SGIP1: variants seen among roughly 807,000 people sequenced by gnomAD.
SGIP1 encodes the protein SH3-containing GRB2-like protein 3-interacting protein 1.
A neutral mutation model predicts 107.5 loss-of-function variants in SGIP1; 38 were observed. The observed-to-expected ratio is 0.35, with a 90% CI of 0.27 to 0.46. The LOEUF is 0.46. Ranked by LOEUF, SGIP1 falls within the 20% of genes least tolerant of loss-of-function variation. SGIP1 has a pLI of 1.00. For synonymous variants in SGIP1, 365 were observed against 366.1 expected (o/e 1.00, Z 0.03); for missense variants, 929 against 1,019.5 (o/e 0.91, Z 1.21).
intron 21 of SGIP1, among the ~76,000 whole-genome samples, chr1:66,736,118 C>T (rs1053170561): frequency 4.8e-5 from 7 of 146,680 alleles, no homozygotes; most frequent in African/African-American, 1.7e-4. Flanking sequence ...ACATATACAA[C>T]CTAGATACAT....
At chr1:66,601,348 CAGAG>C (rs2065782244) in intron 1 of SGIP1, among the ~76,000 whole-genome samples, 2 of 152,076 alleles carry the variant, frequency 1.3e-5, no homozygotes, top group Non-Finnish European at 1.5e-5. Context: ...CTGGGCGACA[CAGAG>C]AGACTCCGTC....
At chr1:66,661,225 C>T (rs1339384683) in intron 8 of SGIP1, among the ~76,000 whole-genome samples, 1 of 152,196 alleles carries the variant, frequency 6.6e-6, no homozygotes, top group Non-Finnish European at 1.5e-5. Flanking sequence ...TTGTTGGGAA[C>T]ATGTTCTCAG....
chr1:66,650,758 T>C (rs17129254), intron 7 of SGIP1, among the ~76,000 whole-genome samples: 2,329 of 152,300 alleles, frequency 0.015, 66 homozygotes, highest in African/African-American at 0.053. Flanking sequence ...GTTTAATCTT[T>C]GATGTGATCT....
At chr1:66,696,206 A>G (rs1236330598) in intron 18 of SGIP1, among the ~76,000 whole-genome samples, 1 of 152,194 alleles carries the variant, frequency 6.6e-6, no homozygotes, top group Non-Finnish European at 1.5e-5. Context: ...CTTCTGTTTT[A>G]TATTTAAGTT....
At chr1:66,543,883 G>A (rs192762208) in intron 1 of SGIP1, among the ~76,000 whole-genome samples, 4 of 152,310 alleles carry the variant, frequency 2.6e-5, no homozygotes, top group Admixed American at 1.3e-4. Flanking sequence ...GTGTGGTGCA[G>A]ATGCCAGTTT....
chr1:66,535,656 G>A (rs974771511), intron 1 of SGIP1, among the ~76,000 whole-genome samples: 3 of 152,142 alleles, frequency 2.0e-5, no homozygotes, highest in African/African-American at 7.2e-5. Context: ...TTTTGTTATG[G>A]AGCTGAGTCT....
At chr1:66,571,354 G>T (rs2060350365) in intron 1 of SGIP1, among the ~76,000 whole-genome samples, 1 of 151,806 alleles carries the variant, frequency 6.6e-6, no homozygotes, top group African/African-American at 2.4e-5. Context: ...CAGTGATTGG[G>T]GTCCCAATTT....
chr1:66,717,681 T>C (rs2150410637), intron 18 of SGIP1, among the ~76,000 whole-genome samples: 1 of 152,150 alleles, frequency 6.6e-6, no homozygotes, highest in East Asian at 1.9e-4. Flanking sequence ...AACTCATACA[T>C]ACCCCAGTGC....
chr1:66,633,973 G>T, intron 3 of SGIP1: 1 of 914,252 alleles, frequency 1.1e-6, no homozygotes, highest in Non-Finnish European at 1.7e-6. Flanking sequence ...AAGGTTCTTA[G>T]CTTTGGGGCG....
intron 1 of SGIP1, among the ~76,000 whole-genome samples, chr1:66,621,746 AG>A (rs1362303174): frequency 1.3e-5 from 2 of 152,216 alleles, no homozygotes; most frequent in Non-Finnish European, 2.9e-5. Flanking sequence ...AGTATTTTCA[AG>A]GTTCATTCAC....
At chr1:66,667,432 G>A (rs1050080371) in intron 8 of SGIP1, 98 bp from the exon 9 acceptor site, 3 of 1,119,040 alleles carry the variant, frequency 2.7e-6, no homozygotes, top group African/African-American at 3.1e-5. Flanking sequence ...TGTATGTTTG[G>A]TTAGCTGCTT....
At chr1:66,588,771 T>C (rs2148846108) in intron 1 of SGIP1, among the ~76,000 whole-genome samples, 1 of 152,064 alleles carries the variant, frequency 6.6e-6, no homozygotes, top group Middle Eastern at 3.4e-3. Context: ...TGGTTTCACA[T>C]TTAGTTTGTG....
intron 14 of SGIP1, among the ~76,000 whole-genome samples, chr1:66,681,480 C>A (rs1290453626): frequency 2.0e-5 from 3 of 152,116 alleles, no homozygotes; most frequent in Non-Finnish European, 1.5e-5. Context: ...TCAGAAGGGA[C>A]CTTGCTTTTG....
rs764080079 is a variant in SGIP1, at chr1:66,742,460, CTTTTTT to C, written c.2465-591_2465-586del. Among the ~76,000 whole-genome samples, 128 of 45,096 alleles carry C rather than the reference CTTTTTT, an allele frequency of 2.8e-3. 1 individual carries two copies. The highest frequency in any genetic ancestry group is 6.1e-3 in the African/African-American group (62 of 10,154). 29.6% of individuals were successfully genotyped at this position (45,096 alleles called of 152,430 possible). A position where few individuals can be genotyped will look rare whatever the true frequency, so the allele number is the denominator to read the frequency against. ...AATATAAGTTATATGAGCACCCTTT[CTTTTTT>C]TTTTTTTTTTTTTTTTTTTTTGAGA... On this transcript the variant is annotated intron_variant, in intron 24 of 24. Coordinates refer to ENST00000371037, the MANE Select transcript of SGIP1 (RefSeq NM_032291.4).
At chr1:66,645,793 T>C (rs547001315) in intron 7 of SGIP1, among the ~76,000 whole-genome samples, 1 of 152,312 alleles carries the variant, frequency 6.6e-6, no homozygotes, top group African/African-American at 2.4e-5. Flanking sequence ...CTTTGCCCTC[T>C]CCTTGATAAC....
At chr1:66,740,039 T>C (rs11811067) in intron 22 of SGIP1, among the ~76,000 whole-genome samples, 44,944 of 152,054 alleles carry the variant, frequency 0.3, 6,759 homozygotes, top group African/African-American at 0.33. Flanking sequence ...ATGGCCTCTG[T>C]CTCCCTTCTG....
chr1:66,549,478 A>G (rs2057059662), intron 1 of SGIP1, among the ~76,000 whole-genome samples: 1 of 152,186 alleles, frequency 6.6e-6, no homozygotes, highest in African/African-American at 2.4e-5. Flanking sequence ...CTTTTTAAAT[A>G]AGGACCTAAC....
chr1:66,742,837 C>A (rs1005867701), intron 24 of SGIP1, among the ~76,000 whole-genome samples: 7 of 152,124 alleles, frequency 4.6e-5, no homozygotes, highest in African/African-American at 1.7e-4. Flanking sequence ...CTATTCTGGG[C>A]AAACCCCAAA....
At chr1:66,694,534 A>T (rs770924657) in intron 17 of SGIP1, 1 of 1,529,534 alleles carries the variant, frequency 6.5e-7, no homozygotes, top group Non-Finnish European at 8.7e-7. Context: ...ATCTCTAGAG[A>T]CCTAGATTCC....
Sources: gnomAD v4.1 joint callset for allele counts (sites outside exome capture counted in the v4.1 genomes callset) on GRCh38, gnomAD v4.1.1 for gene constraint, MANE v1.5 for transcripts, NCBI Gene and HGNC (gene_info 2026-07-23, HGNC 2026-07-21) for gene names.